ABCD3: variants seen among roughly 807,000 people sequenced by gnomAD.
ABCD3 encodes ATP-binding cassette sub-family D member 3.
Under a neutral mutation model 105.5 loss-of-function variants are expected in ABCD3, and 41 were observed. The ratio of observed to expected loss-of-function variants is 0.39; its 90% CI spans 0.30 to 0.50. The LOEUF is 0.50. Ranked by LOEUF, ABCD3 falls within the 20% of genes least tolerant of loss-of-function variation. The pLI is 0.84. For missense variants in ABCD3, 622 were observed against 806.3 expected (o/e 0.77, Z 2.77); for synonymous variants, 258 against 269.0 (o/e 0.96, Z 0.40).
the ABCD3 span, among the ~76,000 whole-genome samples, chr1:94,392,006 C>T: frequency 6.6e-6 from 1 of 152,044 alleles, no homozygotes; most frequent in Non-Finnish European, 1.5e-5. Flanking sequence ...TTGGTCCTTT[C>T]GTTACTTGAG....
the ABCD3 span, among the ~76,000 whole-genome samples, chr1:94,388,885 C>T: frequency 6.6e-6 from 1 of 152,130 alleles, no homozygotes; most frequent in African/African-American, 2.4e-5. Context: ...CTATGGACAA[C>T]TGTTGCTCAA....
intron 2 of ABCD3, among the ~76,000 whole-genome samples, 189 bp from the exon 3 acceptor site, chr1:94,464,586 T>G (rs1191393984): frequency 6.6e-6 from 1 of 152,040 alleles, no homozygotes; most frequent in Non-Finnish European, 1.5e-5. Flanking sequence ...TTATTCAGTT[T>G]TTAGATAACA....
chr1:94,507,974 G>T (rs1468875285), intron 21 of ABCD3, among the ~76,000 whole-genome samples: 2 of 147,830 alleles, frequency 1.4e-5, no homozygotes, highest in Admixed American at 1.4e-4. Context: ...TTCTTTTGCT[G>T]TGCAGAAGCT....
At chr1:94,457,384 T>C (rs972727093) in intron 1 of ABCD3, among the ~76,000 whole-genome samples, 1 of 152,206 alleles carries the variant, frequency 6.6e-6, no homozygotes, top group Non-Finnish European at 1.5e-5. Context: ...TTTAGTCTTG[T>C]TTGGTGTCCT....
chr1:94,432,805 A>G (rs992027953), intron 1 of ABCD3, among the ~76,000 whole-genome samples: 2 of 152,242 alleles, frequency 1.3e-5, no homozygotes, highest in East Asian at 1.9e-4. Flanking sequence ...TAAGTCATGC[A>G]TTGCTTAACA....
chr1:94,418,508 G>T lies in ABCD3; in HGVS notation c.30G>T (p.Ala10=). Reference sequence around the variant, plus strand: ...CGGCCTTCAGCAAGTACTTGACGGCGCGAAACTCCTCGCTGGCTGGTGCCG... The same window carrying T: ...CGGCCTTCAGCAAGTACTTGACGGCTCGAAACTCCTCGCTGGCTGGTGCCG... The part of the protein sequence containing the change: MAAFSKYLT[A]RNSSLAGAAF... The change falls in exon 1 of 23, where the codon GCG becomes GCT. Residue 10 remains alanine (A), a synonymous_variant. Coordinates refer to ENST00000370214, the MANE Select transcript of ABCD3 (RefSeq NM_002858.4). The T allele has an allele frequency of 6.2e-7, 1 of 1,605,244 alleles. No homozygotes were observed.
chr1:94,421,002 A>G (rs1472853780), intron 1 of ABCD3, among the ~76,000 whole-genome samples: 1 of 152,144 alleles, frequency 6.6e-6, no homozygotes, highest in East Asian at 1.9e-4. Context: ...GAGTAATTAA[A>G]TGTTCTGGGT....
At chr1:94,503,623 A>G (rs1174318189) in intron 20 of ABCD3, among the ~76,000 whole-genome samples, 1 of 152,010 alleles carries the variant, frequency 6.6e-6, no homozygotes, top group Admixed American at 6.6e-5. Flanking sequence ...TGTGATCTGT[A>G]CCTTTCATTT....
In ABCD3 at chr1:94,424,285, C is replaced by A. The variant is rs1440678019; in HGVS notation, c.110+5697C>A. Among the ~76,000 whole-genome samples the A allele has an allele frequency of 2.6e-5, 4 of 152,258 alleles. No homozygotes were observed. In the East Asian group the frequency reaches 7.7e-4, roughly 29 times the overall value. ...ACATCCTTGGGTAGGCATTCTATTT[C>A]AAGGCTTTTGCTCTTGCTGTTTCCC... On this transcript the variant is annotated intron_variant, in intron 1 of 22. Transcript: ENST00000370214.
chr1:94,489,951 T>C lies in ABCD3; in HGVS notation c.1298T>C (p.Ile433Thr), dbSNP rs1176435408. 2 of 1,613,164 alleles carry C rather than the reference T, an allele frequency of 1.2e-6. No homozygotes were observed. The highest frequency in any genetic ancestry group is 1.1e-5 in the South Asian group (1 of 91,050). The change falls in exon 15 of 23, where the codon ATC becomes ACC. Residue 433 changes from isoleucine to threonine, a missense_variant. Physicochemically the swap from Ile to Thr is moderately conservative, Grantham distance 89. Around this residue, in one of 4 missense-constraint regions of ABCD3, gnomAD observed 285 missense variants for 352.5 expected, o/e 0.81. Coordinates refer to ENST00000370214, the MANE Select transcript of ABCD3 (RefSeq NM_002858.4). ...VIPLIPGAGE[I>T]IIADNIIKFD... ...CCCTTGATACCTGGTGCTGGAGAAA[T>C]CATTATTGCAGATAACATTATAAAG...
At chr1:94,392,520 A>G in the ABCD3 span, among the ~76,000 whole-genome samples, 1 of 152,194 alleles carries the variant, frequency 6.6e-6, no homozygotes, top group African/African-American at 2.4e-5. Flanking sequence ...GAAGCATTCT[A>G]TCCATCTTAC....
intron 21 of ABCD3, among the ~76,000 whole-genome samples, chr1:94,510,862 T>C (rs969976536): frequency 2.4e-4 from 37 of 152,170 alleles, no homozygotes; most frequent in African/African-American, 8.7e-4. Flanking sequence ...TCCTCCATCC[T>C]TTTATTTTGA....
chr1:94,389,836 TAAAGCCTCTAG>T, the ABCD3 span, among the ~76,000 whole-genome samples: 2 of 152,364 alleles, frequency 1.3e-5, no homozygotes, highest in East Asian at 3.9e-4. Flanking sequence ...TATGTCTTTC[TAAAGCCTCTAG>T]AATATTTGCT....
At chr1:94,494,955 C>G (rs771733199) in intron 16 of ABCD3, among the ~76,000 whole-genome samples, 7 of 152,102 alleles carry the variant, frequency 4.6e-5, no homozygotes, top group Non-Finnish European at 1.0e-4. Context: ...GTGGTGCACA[C>G]CTTTGGTCCT....
At chr1:94,417,950 T>A (rs777332930), upstream of ABCD3, among the ~76,000 whole-genome samples, 6 of 151,040 alleles carry the variant, frequency 4.0e-5, no homozygotes, top group Middle Eastern at 3.4e-3. Flanking sequence ...TGATAATCAC[T>A]GTGCTGTGTT....
At chr1:94,441,466 AT>A (rs34173893) in intron 1 of ABCD3, among the ~76,000 whole-genome samples, 39,099 of 152,080 alleles carry the variant, frequency 0.26, 5,648 homozygotes, top group Admixed American at 0.34. Context: ...AAAACTGCGT[AT>A]GCATTTATGT....
At chr1:94,474,652 A>G (rs528124481) in intron 5 of ABCD3, among the ~76,000 whole-genome samples, 2 of 152,260 alleles carry the variant, frequency 1.3e-5, no homozygotes, top group South Asian at 2.1e-4. Context: ...TAATGTAACG[A>G]TGGAAAATGT....
rs187923813 is a variant in ABCD3 at position 94,424,104 on chromosome 1, A to C, written c.110+5516A>C. On this transcript the variant is annotated intron_variant, in intron 1 of 22. Coordinates refer to ENST00000370214, the MANE Select transcript of ABCD3 (RefSeq NM_002858.4). ...CCTTGGATGGAAAAAAAAGCATTGAAGAATTTGCCAGCCAAAGTAGCTGTG... is the reference window on the plus strand; with the variant it reads ...CCTTGGATGGAAAAAAAAGCATTGACGAATTTGCCAGCCAAAGTAGCTGTG... Among the ~76,000 whole-genome samples the C allele has an allele frequency of 2.0e-5, 3 of 152,344 alleles. No individual in the cohort carries two copies. The East Asian group carries it at 5.8e-4, about 29-fold the overall frequency.
In ABCD3 at chr1:94,475,176, T is replaced by C. The variant is rs1258558436; in HGVS notation, c.439T>C (p.Leu147=). Residue 147 remains leucine (L), a synonymous_variant, in exon 6 of 23, where the codon TTA becomes CTA. Transcript: ENST00000370214. ...SLVNNFLKYG[L]NELKLCFRVR... is the part of the protein sequence containing the mutation. ...GGTTAATAACTTCTTGAAGTATGGGTTAAATGAGCTTAAACTGTGCTTCCG... is the reference window on the plus strand; with the variant it reads ...GGTTAATAACTTCTTGAAGTATGGGCTAAATGAGCTTAAACTGTGCTTCCG... The C allele has an allele frequency of 5.0e-6, 8 of 1,605,104 alleles. No homozygotes were observed. The highest frequency in any genetic ancestry group is 6.8e-6 in the Non-Finnish European group (8 of 1,174,860).
Sources: gnomAD v4.1 joint callset for allele counts (sites outside exome capture counted in the v4.1 genomes callset) on GRCh38, gnomAD v4.1.1 for gene constraint, gnomAD v4.1.1 regional missense constraint, MANE v1.5 for transcripts, NCBI Gene and HGNC (gene_info 2026-07-23, HGNC 2026-07-21) for gene names.